Variants in CTBP1 observed in about 807,000 individuals in gnomAD.
CTBP1 encodes C-terminal binding protein 1, also known as C-terminal-binding protein 1.
CTBP1 carries 11 observed loss-of-function variants against 42.1 expected under a neutral mutation model. That is an observed-to-expected ratio of 0.26 (90% confidence interval 0.16 to 0.43). The LOEUF (loss-of-function observed/expected upper bound fraction) is 0.43. Among genes scored for constraint, CTBP1 ranks in the 20% least tolerant of loss-of-function variants. The pLI is 1.00. For synonymous variants in CTBP1, 324 were observed against 277.1 expected (o/e 1.17, Z -1.68); for missense variants, 399 against 624.3 (o/e 0.64, Z 3.85).
chr4:1,219,009 A>G (rs1729449468), intron 5 of CTBP1, among the ~76,000 whole-genome samples: 1 of 152,164 alleles, frequency 6.6e-6, no homozygotes, highest in Non-Finnish European at 1.5e-5. Context: ...AACTAACTCT[A>G]TACTATTAAT....
At chr4:1,243,793 G>T (rs1732434557) in intron 1 of CTBP1, 1 of 985,324 alleles carries the variant, frequency 1.0e-6, no homozygotes, top group African/African-American at 1.7e-5. Context: ...AGAGGGGCCT[G>T]TGCTGTCCAA....
rs952944457 is a variant in CTBP1, at chr4:1,216,056, C to T, written c.664G>A (p.Val222Met). The T allele has an allele frequency of 3.1e-6, 5 of 1,611,700 alleles. No individual in the cohort carries two copies. Among genetic ancestry groups the T allele is most frequent in the Non-Finnish European group, 2.5e-6 (3 of 1,179,888 alleles). The stretch of plus-strand genomic sequence containing the variant: ...TCGTTGAGGCCGCAGTGCAGGGTCA[C>T]GCAGTCGCTGTGGAAGAGCAGGTCC... ...LQDLLFHSDC[V>M]TLHCGLNEHN... Residue 222 changes from valine (V) to methionine (M), a missense_variant, in exon 6 of 10, where the codon GTG becomes ATG. By Grantham distance (21) the Val-to-Met change is conservative. Transcript: ENST00000382952.
Position 1,228,266 on chromosome 4 carries a change from G to A in CTBP1, c.240C>T (p.Ala80=), listed in dbSNP as rs780764032. Residue 80 remains alanine, a synonymous_variant, in exon 4 of 10, where the codon GCC becomes GCT. Transcript: ENST00000382952. ...TGCCAATCCGGACGATGATGCGGAG[G>A]GCTTTGAACTTCTCCAGGTCCTCCC... The part of the protein sequence containing the change: ...LTREDLEKFK[A]LRIIVRIGSG... 1.9e-6 allele frequency: 3 copies of A among 1,614,168 alleles called. No homozygotes were observed. The highest frequency in any genetic ancestry group is 1.1e-5 in the South Asian group (1 of 91,088).
intron 6 of CTBP1, among the ~76,000 whole-genome samples, chr4:1,215,325 G>A (rs1193320277): frequency 2.6e-5 from 4 of 152,248 alleles, no homozygotes; most frequent in African/African-American, 9.6e-5. Context: ...GTACACACAT[G>A]CACATACATA....
rs571881989 is a variant in CTBP1 at position 1,216,211 on chromosome 4, G to A, written c.515-6C>T. The A allele has an allele frequency of 6.2e-7, 1 of 1,607,832 alleles. No individual in the cohort carries two copies. Among genetic ancestry groups the A allele is most frequent in the South Asian group, 1.1e-5 (1 of 90,742 alleles). ...CACTGCCTGCCCCACGCGACCTGGT[G>A]GCGTCAAGACACAGTGTGAGACCCT... On this transcript the variant is annotated splice_polypyrimidine_tract_variant and splice_region_variant and intron_variant, in intron 5 of 9. Transcript: ENST00000382952.
chr4:1,222,952 C>T (rs1729916484), intron 5 of CTBP1, among the ~76,000 whole-genome samples: 1 of 152,228 alleles, frequency 6.6e-6, no homozygotes, highest in Admixed American at 6.5e-5. Context: ...CCACATCCCA[C>T]AGTCCCTCGT....
chr4:1,248,302 A>G (rs1432880075), intron 1 of CTBP1, among the ~76,000 whole-genome samples: 1 of 151,624 alleles, frequency 6.6e-6, no homozygotes, highest in African/African-American at 2.4e-5. Flanking sequence ...CTCCCGCGTC[A>G]CCGCCGGGGG....
At chr4:1,241,819 C>G in intron 1 of CTBP1, 2 of 1,170,502 alleles carry the variant, frequency 1.7e-6, no homozygotes, top group Non-Finnish European at 2.1e-6. Context: ...AGGCTCTAGC[C>G]GCATCCAGAT....
chr4:1,214,962 C>T (rs1274390492), intron 6 of CTBP1, among the ~76,000 whole-genome samples: 1 of 152,262 alleles, frequency 6.6e-6, no homozygotes, highest in Non-Finnish European at 1.5e-5. Flanking sequence ...TTTTCATGCA[C>T]TTTTGCAAAA....
chr4:1,241,680 G>T (rs1481084951), intron 1 of CTBP1, 161 bp from the exon 2 acceptor site: 4 of 1,275,540 alleles, frequency 3.1e-6, no homozygotes, highest in African/African-American at 3.1e-5. Context: ...GACAGCCAGG[G>T]GCCCCGGCTC....
Position 1,238,007 on chromosome 4 carries a change from T to A in CTBP1, c.162+176A>T, listed in dbSNP as rs529040891. On this transcript the variant is annotated intron_variant, in intron 3 of 9. Coordinates refer to ENST00000382952, the MANE Select transcript of CTBP1 (RefSeq NM_001012614.2). This position sits in a 1 kb window ranked among gnomAD's most constrained non-coding sequence, Gnocchi z 5.9. ...GGCAAACCCGATGTCCACCTCCTGA[T>A]GGTGTCCAGGGAAAACCCCGTGTCC... The A allele has an allele frequency of 1.2e-3, 1,016 of 828,362 alleles. 2 individuals are homozygous for A. Among genetic ancestry groups the A allele is most frequent in the Non-Finnish European group, 1.8e-3 (886 of 492,560 alleles). 51.3% of individuals were successfully genotyped at this position (828,362 alleles called of 1,614,324 possible). A position where few individuals can be genotyped will look rare whatever the true frequency, so the allele number is the denominator to read the frequency against.
chr4:1,230,013 C>G (rs993067632), intron 3 of CTBP1, among the ~76,000 whole-genome samples: 2 of 152,148 alleles, frequency 1.3e-5, no homozygotes, highest in Admixed American at 6.5e-5. Context: ...ACCCGGACCA[C>G]AGAGGAACAG....
chr4:1,230,366 G>A (rs995266987), intron 3 of CTBP1, among the ~76,000 whole-genome samples: 11 of 152,190 alleles, frequency 7.2e-5, no homozygotes, highest in East Asian at 1.9e-4. Flanking sequence ...GAGGTGCTTC[G>A]GGCAGCCTGG....
intron 3 of CTBP1, chr4:1,236,357 C>A: frequency 2.2e-6 from 1 of 464,160 alleles, no homozygotes; most frequent in Middle Eastern, 5.8e-4. Flanking sequence ...AAAGGCTGCT[C>A]ACTGCTGGAC....
Position 1,235,090 on chromosome 4 carries a change from G to A in CTBP1, c.162+3093C>T, listed in dbSNP as rs944754432. The A allele has an allele frequency of 1.3e-5, 2 of 152,220 alleles. No individual in the cohort carries two copies. The highest frequency in any genetic ancestry group is 1.9e-4 in the East Asian group (1 of 5,196). The allele number at this position is 152,220 out of a possible 1,614,324, so 9.4% of individuals were successfully genotyped here. ...CCCAGCGTTCATGCCTGTTGCTGAG[G>A]AGGACACCGAGGGAGGTGGCCAGCA... is the stretch of plus-strand genomic sequence containing the variant. On this transcript the variant is annotated intron_variant, in intron 3 of 9. Transcript: ENST00000382952. The surrounding 1 kb of genome is among the most constrained non-coding windows in gnomAD (Gnocchi z 4.2).
intron 4 of CTBP1, among the ~76,000 whole-genome samples, chr4:1,227,605 C>A (rs1659579882): frequency 6.9e-6 from 1 of 145,320 alleles, no homozygotes; most frequent in Non-Finnish European, 1.5e-5. Context: ...AGTGCATGTG[C>A]ACGGGTGCAG....
At chr4:1,216,238 G>C (rs1363427567) in intron 5 of CTBP1, 33 bp from the exon 6 acceptor site, 1 of 1,585,678 alleles carries the variant, frequency 6.3e-7, no homozygotes, top group Admixed American at 1.7e-5. Flanking sequence ...TGAGACCCTT[G>C]CTCACCCGTG....
chr4:1,227,577 T>TGCGTGATCCGTGTGCTGAGTGC (rs1577045912), intron 4 of CTBP1, among the ~76,000 whole-genome samples: 2 of 149,482 alleles, frequency 1.3e-5, no homozygotes, highest in East Asian at 4.1e-4. Flanking sequence ...GTGCTGAGTG[T>TGCGTGATCCGTGTGCTGAGTGC]GCGTGATCCG....
intron 6 of CTBP1, among the ~76,000 whole-genome samples, chr4:1,215,298 T>G (rs1185536735): frequency 6.6e-6 from 1 of 152,206 alleles, no homozygotes; most frequent in Non-Finnish European, 1.5e-5. Flanking sequence ...AGTGGGCGGG[T>G]GGCCTCTGAC....
Sources: gnomAD v4.1 joint callset for allele counts (sites outside exome capture counted in the v4.1 genomes callset) on GRCh38, gnomAD v4.1.1 for gene constraint, Gnocchi (gnomAD v3.1) non-coding constraint, MANE v1.5 for transcripts, NCBI Gene and HGNC (gene_info 2026-07-23, HGNC 2026-07-21) for gene names.